The following ADAM32 variants were observed in gnomAD, a reference collection of about 807,000 sequenced individuals.
ADAM32 encodes disintegrin and metalloproteinase domain-containing protein 32.
Under a neutral mutation model 114.9 loss-of-function variants are expected in ADAM32, and 89 were observed. That is an observed-to-expected ratio of 0.77 (90% CI 0.65 to 0.92). The LOEUF (loss-of-function observed/expected upper bound fraction) is 0.92. Among genes scored for constraint, ADAM32 ranks in the 40% least tolerant of loss-of-function variants. ADAM32 has a pLI of 0.00. For missense variants in ADAM32, 870 were observed against 932.8 expected (o/e 0.93, Z 0.88); for synonymous variants, 285 against 307.5 (o/e 0.93, Z 0.77).
At chr8:39,228,094 T>C (rs2129449106) in intron 14 of ADAM32, among the ~76,000 whole-genome samples, 1 of 152,216 alleles carries the variant, frequency 6.6e-6, no homozygotes, top group East Asian at 1.9e-4. Context: ...TCACTGCAGT[T>C]CGGCTCATAG....
chr8:39,140,740 C>A (rs945194555), intron 3 of ADAM32, among the ~76,000 whole-genome samples: 1 of 152,144 alleles, frequency 6.6e-6, no homozygotes, highest in South Asian at 2.1e-4. Context: ...ACCAGCTACT[C>A]TTTGTACCTC....
In ADAM32 at chr8:39,160,938, A is replaced by T. The variant is rs762785311; in HGVS notation, c.567A>T (p.Glu189Asp). The change falls in exon 7 of 25, where the codon GAA becomes GAT. Residue 189 changes from glutamate (E) to aspartate (D), a missense_variant. Coordinates refer to ENST00000379907, the MANE Select transcript of ADAM32 (RefSeq NM_145004.7). ...AVPDLFPLYL[E>D]MHIVVDKTLY... ...CAGATTTATTTCCTCTTTATCTAGAAATGCATATTGTGGTGGACAAAACTT... is the reference window on the plus strand; with the variant it reads ...CAGATTTATTTCCTCTTTATCTAGATATGCATATTGTGGTGGACAAAACTT... 3.8e-5 allele frequency: 60 copies of T among 1,599,884 alleles called. No individual in the cohort carries two copies. The highest frequency in any genetic ancestry group is 1.7e-4 in the Admixed American group (10 of 57,886).
chr8:39,128,173 T>G (rs1348467123), intron 2 of ADAM32, among the ~76,000 whole-genome samples: 3 of 152,234 alleles, frequency 2.0e-5, no homozygotes, highest in African/African-American at 7.2e-5. Flanking sequence ...TGTAGGTCTC[T>G]AAGATCTTGC....
Position 39,224,698 on chromosome 8 carries a change from A to T in ADAM32, c.1525+1460A>T, listed in dbSNP as rs1039956117. ...CAAATACTTTATCTTATTTTATAAA[A>T]GTTGGCTTTTCACTATGTTGATTTT... On this transcript the variant is annotated intron_variant, in intron 14 of 24. Coordinates refer to ENST00000379907, the MANE Select transcript of ADAM32 (RefSeq NM_145004.7). 5.9e-5 allele frequency among the ~76,000 whole-genome samples: 9 copies of T among 152,290 alleles called. 1 individual carries two copies. In the East Asian group the frequency reaches 1.7e-3, roughly 29 times the overall value.
At chr8:39,158,107 A>G (rs537754102) in intron 6 of ADAM32, 14 of 223,900 alleles carry the variant, frequency 6.3e-5, no homozygotes, top group African/African-American at 2.9e-4. Flanking sequence ...CGCTTGCTTC[A>G]CAGGTACCTG....
chr8:39,148,682 C>T (rs1803650524), intron 4 of ADAM32, among the ~76,000 whole-genome samples: 1 of 152,136 alleles, frequency 6.6e-6, no homozygotes, highest in Non-Finnish European at 1.5e-5. Context: ...TAAAAATTTG[C>T]TGAAATATTA....
chr8:39,257,498 T>C (rs758922072), intron 19 of ADAM32, among the ~76,000 whole-genome samples, 155 bp downstream of exon 19: 4 of 152,142 alleles, frequency 2.6e-5, no homozygotes, highest in Non-Finnish European at 5.9e-5. Context: ...TAGCTGTGAA[T>C]ACCCATTTTT....
intron 11 of ADAM32, among the ~76,000 whole-genome samples, chr8:39,202,592 T>C (rs1177515977): frequency 6.6e-6 from 1 of 152,200 alleles, no homozygotes; most frequent in Non-Finnish European, 1.5e-5. Context: ...CTGGATTCAT[T>C]GATTTTTTTG....
chr8:39,233,957 GA>G lies in ADAM32; in HGVS notation c.1697del (p.Asn566MetfsTer4). Reference sequence around the variant, plus strand: ...CCCTACTCGAAAGCCTTTCCATCAAGAAAATGGTGATGTGATTTATGCTTTC... The same window carrying G: ...CCCTACTCGAAAGCCTTTCCATCAAGAAATGGTGATGTGATTTATGCTTTC... ...TYPTRKPFHQENGDVIYAFVR... is the reference protein window; with the variant it reads ...TYPTRKPFHQXNGDVIYAFVR... On this transcript the variant is annotated frameshift_variant, in exon 16 of 25. Transcript: ENST00000379907. LOFTEE classifies it high-confidence loss of function. 1 of 1,592,314 alleles carries G rather than the reference GA, an allele frequency of 6.3e-7. No homozygotes were observed. Among genetic ancestry groups the G allele is most frequent in the Non-Finnish European group, 8.6e-7 (1 of 1,168,592 alleles).
intron 12 of ADAM32, among the ~76,000 whole-genome samples, chr8:39,217,680 G>A (rs1187052772): frequency 6.6e-6 from 1 of 151,656 alleles, no homozygotes; most frequent in Non-Finnish European, 1.5e-5. Context: ...GGTCAATTGT[G>A]TCTTTCAACT....
chr8:39,136,098 A>G (rs1461718078), intron 2 of ADAM32, among the ~76,000 whole-genome samples: 23 of 152,118 alleles, frequency 1.5e-4, no homozygotes, highest in Admixed American at 1.4e-3. Context: ...CTTTTGCTCT[A>G]TAAAATCTCA....
At chr8:39,272,824 A>G (rs564908748) in intron 20 of ADAM32, among the ~76,000 whole-genome samples, 2 of 152,326 alleles carry the variant, frequency 1.3e-5, no homozygotes, top group East Asian at 3.9e-4. Flanking sequence ...AACTTTTAAA[A>G]TTGATACACT....
At chr8:39,284,663 A>G in intron 24 of ADAM32, 130 bp from the exon 25 acceptor site, 1 of 954,536 alleles carries the variant, frequency 1.0e-6, no homozygotes, top group Admixed American at 2.4e-5. Context: ...AAAATTGTAA[A>G]CATCCTTTCA....
intron 7 of ADAM32, among the ~76,000 whole-genome samples, chr8:39,162,272 G>C (rs1325000407): frequency 4.0e-5 from 6 of 148,472 alleles, no homozygotes; most frequent in African/African-American, 7.5e-5. Flanking sequence ...TTGGTTTTTT[G>C]TCCTTGCGAT....
At chr8:39,182,150 G>A (rs1805939578) in intron 10 of ADAM32, among the ~76,000 whole-genome samples, 1 of 152,166 alleles carries the variant, frequency 6.6e-6, no homozygotes, top group Admixed American at 6.5e-5. Flanking sequence ...ACAAAAAAAT[G>A]TATAGGCATA....
chr8:39,196,852 C>G (rs1807043081), intron 11 of ADAM32, among the ~76,000 whole-genome samples: 1 of 151,926 alleles, frequency 6.6e-6, no homozygotes, highest in Non-Finnish European at 1.5e-5. Flanking sequence ...GCTGGCCTCC[C>G]TCAAGACTGA....
At chr8:39,189,608 G>C (rs1382987926) in intron 11 of ADAM32, among the ~76,000 whole-genome samples, 1 of 151,936 alleles carries the variant, frequency 6.6e-6, no homozygotes, top group Non-Finnish European at 1.5e-5. Context: ...TCATTTATTT[G>C]TGTTGAAAAC....
At chr8:39,283,708 T>G (rs930324160) in intron 24 of ADAM32, 84 bp downstream of exon 24, 7 of 1,118,152 alleles carry the variant, frequency 6.3e-6, no homozygotes, top group Non-Finnish European at 6.5e-6. Context: ...AATTCCTAAG[T>G]ATGGACTGGG....
In ADAM32 at chr8:39,186,907, A is replaced by G. The variant is rs1806277493; in HGVS notation, c.916-2A>G. On this transcript the variant is annotated splice_acceptor_variant, in intron 10 of 24. Coordinates refer to ENST00000379907, the MANE Select transcript of ADAM32 (RefSeq NM_145004.7). LOFTEE classifies it high-confidence loss of function. ...TTAGAATTTTCTTTGTTGTTATTAT[A>G]GTACCCCAAGGAGATAACTCTGGAG... 1 of 1,587,600 alleles carries G rather than the reference A, an allele frequency of 6.3e-7. No individual in the cohort carries two copies. Among genetic ancestry groups the G allele is most frequent in the South Asian group, 1.2e-5 (1 of 84,454 alleles).
Sources: gnomAD v4.1 joint callset for allele counts (sites outside exome capture counted in the v4.1 genomes callset) on GRCh38, gnomAD v4.1.1 for gene constraint, MANE v1.5 for transcripts, NCBI Gene and HGNC (gene_info 2026-07-23, HGNC 2026-07-21) for gene names.